The following PTPRC variants were observed in gnomAD, a reference collection of about 807,000 sequenced individuals.
PTPRC encodes the protein receptor-type tyrosine-protein phosphatase C.
In PTPRC, 44 loss-of-function variants were observed where a neutral mutation model predicts 155.9. The observed-to-expected ratio is 0.28, with a 90% CI of 0.22 to 0.36. The LOEUF is 0.36. Ranked by LOEUF, PTPRC falls within the 10% of genes least tolerant of loss-of-function variation. The pLI, the probability that PTPRC is intolerant of heterozygous loss-of-function variation, is 1.00. For missense variants in PTPRC, 1,401 were observed against 1,564.6 expected (o/e 0.90, Z 1.76); for synonymous variants, 525 against 533.1 (o/e 0.98, Z 0.21).
chr1:198,712,722 C>A, intron 11 of PTPRC: 1 of 535,716 alleles, frequency 1.9e-6, no homozygotes. Flanking sequence ...TAGATATCTT[C>A]AAGTCAGTGG....
At chr1:198,695,064 G>A in intron 3 of PTPRC, 1 of 922,700 alleles carries the variant, frequency 1.1e-6, no homozygotes, top group Non-Finnish European at 1.3e-6. Context: ...GAATAGTTCT[G>A]CAATATTTCA....
intron 17 of PTPRC, among the ~76,000 whole-genome samples, chr1:198,730,165 A>G (rs774515628): frequency 6.6e-6 from 1 of 152,176 alleles, no homozygotes; most frequent in Non-Finnish European, 1.5e-5. Flanking sequence ...AAAGAAATGT[A>G]CTTGCTTTCT....
intron 12 of PTPRC, among the ~76,000 whole-genome samples, chr1:198,716,274 C>A (rs1485936951): frequency 6.6e-6 from 1 of 151,956 alleles, no homozygotes; most frequent in East Asian, 1.9e-4. Context: ...TAGCTAATAC[C>A]GATGTTCAAA....
chr1:198,745,069 C>T (rs1426875067), intron 26 of PTPRC, among the ~76,000 whole-genome samples: 1 of 151,760 alleles, frequency 6.6e-6, no homozygotes, highest in African/African-American at 2.4e-5. Context: ...ATAAATTAAC[C>T]TTATTCAATA....
intron 2 of PTPRC, among the ~76,000 whole-genome samples, chr1:198,677,863 C>T (rs1665050082): frequency 6.6e-6 from 1 of 151,976 alleles, no homozygotes; most frequent in Non-Finnish European, 1.5e-5. Flanking sequence ...TGTACAAGAC[C>T]TTACTTGGCT....
At chr1:198,691,039 G>C (rs1455541179) in intron 2 of PTPRC, among the ~76,000 whole-genome samples, 1 of 151,886 alleles carries the variant, frequency 6.6e-6, no homozygotes, top group African/African-American at 2.4e-5. Context: ...CTTTATTCTT[G>C]TTTGCTACAG....
intron 2 of PTPRC, among the ~76,000 whole-genome samples, chr1:198,667,470 T>C (rs950131165): frequency 6.6e-6 from 1 of 152,210 alleles, no homozygotes; most frequent in African/African-American, 2.4e-5. Flanking sequence ...ATAATTTTCC[T>C]CAGATGGGAA....
Position 198,672,694 on chromosome 1 carries a change from G to A in PTPRC, c.74-19653G>A, listed in dbSNP as rs559679186. Among the ~76,000 whole-genome samples the A allele has an allele frequency of 1.3e-5, 2 of 151,688 alleles. 1 individual carries two copies. Among genetic ancestry groups the A allele is most frequent in the African/African-American group, 4.8e-5 (2 of 41,272 alleles). On this transcript the variant is annotated intron_variant, in intron 2 of 32. Transcript: ENST00000442510. ...GTAGAGATGGGGTTTCACCATGTTGGCCAGGCTAGTCTAGAATTCCTGATC... is the reference window on the plus strand; with the variant it reads ...GTAGAGATGGGGTTTCACCATGTTGACCAGGCTAGTCTAGAATTCCTGATC...
chr1:198,727,013 C>T (rs1231191054), intron 15 of PTPRC, among the ~76,000 whole-genome samples: 1 of 151,956 alleles, frequency 6.6e-6, no homozygotes, highest in African/African-American at 2.4e-5. Context: ...CAGACACACA[C>T]CATGCCTGGC....
intron 2 of PTPRC, among the ~76,000 whole-genome samples, chr1:198,669,423 A>G (rs1202445730): frequency 2.6e-5 from 4 of 152,180 alleles, no homozygotes; most frequent in East Asian, 1.9e-4. Flanking sequence ...GGTCCACCAT[A>G]CTACCTAATC....
At chr1:198,751,500 C>A (rs1306354683) in intron 29 of PTPRC, among the ~76,000 whole-genome samples, 2 of 151,946 alleles carry the variant, frequency 1.3e-5, no homozygotes, top group Non-Finnish European at 2.9e-5. Context: ...TCACCTGGTC[C>A]CCTTCCCCTG....
At chr1:198,702,839 C>T (rs1435695392) in intron 6 of PTPRC, among the ~76,000 whole-genome samples, 1 of 152,156 alleles carries the variant, frequency 6.6e-6, no homozygotes, top group Non-Finnish European at 1.5e-5. Flanking sequence ...GGGCAAATTA[C>T]TAATACTTTC....
intron 23 of PTPRC, among the ~76,000 whole-genome samples, chr1:198,738,555 T>G (rs942407431): frequency 1.3e-5 from 2 of 151,858 alleles, no homozygotes; most frequent in African/African-American, 4.8e-5. Flanking sequence ...TTTGCTAGTA[T>G]TTTGTTGAGG....
chr1:198,682,451 A>C (rs1472150870), intron 2 of PTPRC, among the ~76,000 whole-genome samples: 1 of 152,160 alleles, frequency 6.6e-6, no homozygotes, highest in Non-Finnish European at 1.5e-5. Flanking sequence ...TAGTTCACAA[A>C]AAAAAGTACA....
intron 5 of PTPRC, among the ~76,000 whole-genome samples, chr1:198,701,950 C>T (rs1446900994): frequency 6.6e-6 from 1 of 152,226 alleles, no homozygotes; most frequent in Non-Finnish European, 1.5e-5. Flanking sequence ...GCCTGCAAGG[C>T]TCTCAGCATG....
At chr1:198,658,069 C>T (rs949444201) in intron 2 of PTPRC, among the ~76,000 whole-genome samples, 2 of 152,156 alleles carry the variant, frequency 1.3e-5, no homozygotes, top group Non-Finnish European at 2.9e-5. Flanking sequence ...CCCACAGGGA[C>T]ATCTTTCTGG....
intron 17 of PTPRC, 120 bp downstream of exon 17, chr1:198,729,291 A>C (rs1654283440): frequency 1.6e-6 from 2 of 1,239,216 alleles, no homozygotes; most frequent in Non-Finnish European, 2.1e-6. Flanking sequence ...TCCCAGGCTG[A>C]AGTGTGGTGG....
chr1:198,659,817 C>T (rs1029378263), intron 2 of PTPRC, among the ~76,000 whole-genome samples: 1 of 151,894 alleles, frequency 6.6e-6, no homozygotes, highest in East Asian at 1.9e-4. Context: ...ATTGGGATTA[C>T]AGGCGTGAGC....
chr1:198,659,180 TG>T (rs1478013993), intron 2 of PTPRC, among the ~76,000 whole-genome samples: 1 of 152,184 alleles, frequency 6.6e-6, no homozygotes, highest in Non-Finnish European at 1.5e-5. Context: ...TGGAGACACC[TG>T]GTCTCTAAGA....
Sources: gnomAD v4.1 joint callset for allele counts (sites outside exome capture counted in the v4.1 genomes callset) on GRCh38, gnomAD v4.1.1 for gene constraint, MANE v1.5 for transcripts, NCBI Gene and HGNC (gene_info 2026-07-23, HGNC 2026-07-21) for gene names.